BABAM2: variants seen among roughly 807,000 people sequenced by gnomAD.
The protein encoded by BABAM2 is BRISC and BRCA1-A complex member 2.
A neutral mutation model predicts 54.7 loss-of-function variants in BABAM2; 31 were observed. The observed-to-expected ratio is 0.57, with a 90% CI of 0.43 to 0.77. The LOEUF (loss-of-function observed/expected upper bound fraction) is 0.77, where lower values mean the gene tolerates loss of function less well. Ranked by LOEUF, BABAM2 falls within the 30% of genes least tolerant of loss-of-function variation. The pLI, the probability that BABAM2 is intolerant of heterozygous loss-of-function variation, is 0.00. For missense variants in BABAM2, 364 were observed against 455.8 expected, an observed-to-expected ratio of 0.80 and a Z score of 1.83; for synonymous variants, 167 against 162.9, an observed-to-expected ratio of 1.03 and a Z score of -0.19.
chr2:28,061,236 A>G (rs1450265667), intron 6 of BABAM2, among the ~76,000 whole-genome samples: 2 of 152,262 alleles, frequency 1.3e-5, no homozygotes, highest in East Asian at 1.9e-4. Context: ...TCAGAGAAGA[A>G]CAGATAATCT....
intron 3 of BABAM2, among the ~76,000 whole-genome samples, chr2:27,974,385 A>T (rs1319135049): frequency 1.3e-5 from 2 of 152,188 alleles, no homozygotes; most frequent in Admixed American, 6.5e-5. Flanking sequence ...CTATGTATGT[A>T]TACAAGTAAA....
chr2:27,923,137 A>G (rs1667452959), intron 2 of BABAM2, among the ~76,000 whole-genome samples: 1 of 152,236 alleles, frequency 6.6e-6, no homozygotes, highest in African/African-American at 2.4e-5. Context: ...AATGTTAGAA[A>G]TGTGAAGTTT....
rs573873137 is a variant in BABAM2, at chr2:27,911,605, A to G, written c.128+16921A>G. ...ATACTGAAACTAAATCCTTATCACAATCTTGAGCATGGACTTCAAGGTATC... is the reference window on the plus strand; with the variant it reads ...ATACTGAAACTAAATCCTTATCACAGTCTTGAGCATGGACTTCAAGGTATC... On this transcript the variant is annotated intron_variant, in intron 2 of 11. Transcript: ENST00000379624. 3.9e-5 allele frequency among the ~76,000 whole-genome samples: 6 copies of G among 152,284 alleles called. No homozygotes were observed. In the South Asian group the frequency reaches 8.3e-4, roughly 21 times the overall value.
intron 6 of BABAM2, among the ~76,000 whole-genome samples, chr2:28,122,491 G>A (rs978338109): frequency 2.0e-5 from 3 of 152,126 alleles, no homozygotes; most frequent in African/African-American, 7.2e-5. Flanking sequence ...TACCCACTGA[G>A]TGGTTTTGCT....
chr2:28,112,005 C>T (rs1041813781), intron 6 of BABAM2, among the ~76,000 whole-genome samples: 2 of 152,084 alleles, frequency 1.3e-5, no homozygotes, highest in African/African-American at 4.8e-5. Flanking sequence ...ATTATGCAGT[C>T]TGGGAAAGCC....
chr2:28,007,514 A>T (rs1674062270), intron 4 of BABAM2, among the ~76,000 whole-genome samples: 1 of 151,968 alleles, frequency 6.6e-6, no homozygotes, highest in Non-Finnish European at 1.5e-5. Context: ...TCCTTGTTAG[A>T]GCTCCAAGAT....
chr2:27,922,836 T>A (rs1284252515), intron 2 of BABAM2, among the ~76,000 whole-genome samples: 1 of 152,246 alleles, frequency 6.6e-6, no homozygotes, highest in East Asian at 1.9e-4. Flanking sequence ...AAATAATTTT[T>A]AAATTAAAAG....
intron 3 of BABAM2, among the ~76,000 whole-genome samples, chr2:27,971,820 T>G (rs1227336399): frequency 6.6e-6 from 1 of 152,120 alleles, no homozygotes. Flanking sequence ...AAAGCTTACT[T>G]TCTTTTTTAT....
intron 3 of BABAM2, among the ~76,000 whole-genome samples, chr2:27,943,104 T>G (rs1669048582): frequency 1.3e-5 from 2 of 152,218 alleles, no homozygotes; most frequent in Admixed American, 1.3e-4. Context: ...ACCATACATT[T>G]TGAACCTTGG....
intron 7 of BABAM2, among the ~76,000 whole-genome samples, chr2:28,173,301 T>TA (rs1193787396): frequency 6.6e-6 from 1 of 152,216 alleles, no homozygotes; most frequent in Non-Finnish European, 1.5e-5. Flanking sequence ...TAACCACATA[T>TA]AAATAAGTGA....
chr2:27,915,050 G>A (rs868021223), intron 2 of BABAM2, among the ~76,000 whole-genome samples: 1 of 151,982 alleles, frequency 6.6e-6, no homozygotes, highest in Non-Finnish European at 1.5e-5. Context: ...AACATGAGAG[G>A]CATGATGGGC....
intron 7 of BABAM2, among the ~76,000 whole-genome samples, chr2:28,186,700 C>T (rs755651693): frequency 2.0e-5 from 3 of 151,638 alleles, no homozygotes; most frequent in African/African-American, 7.3e-5. Context: ...AATGGAGAAG[C>T]GAAGCGAAGC....
chr2:28,240,844 T>C (rs1419711677), intron 8 of BABAM2, among the ~76,000 whole-genome samples: 2 of 142,958 alleles, frequency 1.4e-5, no homozygotes, highest in African/African-American at 5.3e-5. Flanking sequence ...CACTCCAGCC[T>C]GGGCAACAAG....
chr2:27,907,965 A>G (rs2148295884), intron 2 of BABAM2, among the ~76,000 whole-genome samples: 1 of 152,332 alleles, frequency 6.6e-6, no homozygotes, highest in Admixed American at 6.5e-5. Context: ...TACTGTGAAT[A>G]ATGCTATTAA....
chr2:27,988,097 G>T lies in BABAM2; in HGVS notation c.300+10G>T, dbSNP rs1253326256. 1 of 1,606,556 alleles carries T rather than the reference G, an allele frequency of 6.2e-7. No individual in the cohort carries two copies. Among genetic ancestry groups the T allele is most frequent in the African/African-American group, 1.3e-5 (1 of 74,700 alleles). Reference sequence around the variant, plus strand: ...CCCCTCAGCTTTGCAGGTGAGTACTGCAGACTTGCTTGAATGATCTTTCTT... The same window carrying T: ...CCCCTCAGCTTTGCAGGTGAGTACTTCAGACTTGCTTGAATGATCTTTCTT... On this transcript the variant is annotated intron_variant, in intron 4 of 11. Coordinates refer to ENST00000379624, the MANE Select transcript of BABAM2 (RefSeq NM_199191.3).
intron 6 of BABAM2, among the ~76,000 whole-genome samples, chr2:28,076,458 A>ATATT (rs1005529042): frequency 3.7e-3 from 525 of 140,198 alleles, no homozygotes; most frequent in African/African-American, 0.012. Context: ...TTTTTATTTT[A>ATATT]TATTTATTTA....
intron 6 of BABAM2, among the ~76,000 whole-genome samples, chr2:28,121,703 A>G (rs1017230423): frequency 6.6e-6 from 1 of 151,946 alleles, no homozygotes; most frequent in African/African-American, 2.4e-5. Context: ...TTTCTCTATA[A>G]CATTTGTAAC....
At chr2:28,236,473 C>T (rs1681928251) in intron 7 of BABAM2, among the ~76,000 whole-genome samples, 2 of 151,342 alleles carry the variant, frequency 1.3e-5, no homozygotes, top group African/African-American at 2.4e-5. Flanking sequence ...AAGCAATTCT[C>T]ATGCCTCAGC....
At chr2:28,133,819 A>C (rs896088052) in intron 7 of BABAM2, among the ~76,000 whole-genome samples, 8 of 152,220 alleles carry the variant, frequency 5.3e-5, no homozygotes, top group African/African-American at 1.9e-4. Flanking sequence ...GACAAAAGAG[A>C]ACATCAGTCA....
Sources: gnomAD v4.1 joint callset for allele counts (sites outside exome capture counted in the v4.1 genomes callset) on GRCh38, gnomAD v4.1.1 for gene constraint, MANE v1.5 for transcripts, NCBI Gene and HGNC (gene_info 2026-07-23, HGNC 2026-07-21) for gene names.